Variants in KCNT2 observed in about 807,000 individuals in gnomAD.
KCNT2 encodes potassium sodium-activated channel subfamily T member 2.
Under a neutral mutation model 153.8 loss-of-function variants are expected in KCNT2, and 67 were observed. That is an observed-to-expected ratio of 0.44 (90% CI 0.36 to 0.53). The LOEUF is 0.53. KCNT2 is among the 20% of genes least tolerant of loss of function. The pLI, the probability that KCNT2 is intolerant of heterozygous loss-of-function variation, is 0.00. For missense variants in KCNT2, 975 were observed against 1,354.8 expected (o/e 0.72, Z 4.40); for synonymous variants, 500 against 458.8 (o/e 1.09, Z -1.15).
At chr1:196,236,106 C>T (rs1043766441) in intron 26 of KCNT2, 36 bp from the exon 27 acceptor site, 3 of 1,137,758 alleles carry the variant, frequency 2.6e-6, no homozygotes, top group Non-Finnish European at 4.0e-6. Flanking sequence ...TGTTATACTG[C>T]TTATAGAAAA....
intron 3 of KCNT2, among the ~76,000 whole-genome samples, chr1:196,487,857 G>A (rs549672662): frequency 2.6e-5 from 4 of 152,088 alleles, no homozygotes; most frequent in African/African-American, 9.6e-5. Context: ...TCTATCACTT[G>A]ATGTTAAAAA....
chr1:196,313,461 C>T (rs914054401), intron 21 of KCNT2, among the ~76,000 whole-genome samples: 1 of 151,434 alleles, frequency 6.6e-6, no homozygotes, highest in Admixed American at 6.6e-5. Flanking sequence ...AAATCAGGAA[C>T]TAAAATCTCC....
chr1:196,431,098 A>G (rs1674111842), intron 8 of KCNT2, among the ~76,000 whole-genome samples: 1 of 152,168 alleles, frequency 6.6e-6, no homozygotes, highest in African/African-American at 2.4e-5. Flanking sequence ...ACAATGCGTC[A>G]TCTTGGTGAG....
intron 1 of KCNT2, among the ~76,000 whole-genome samples, chr1:196,549,395 TA>T (rs1161757450): frequency 6.6e-6 from 1 of 151,804 alleles, no homozygotes; most frequent in Non-Finnish European, 1.5e-5. Flanking sequence ...AGCTACAGAG[TA>T]AAAACACATA....
intron 1 of KCNT2, among the ~76,000 whole-genome samples, chr1:196,518,366 A>G (rs1317120450): frequency 1.3e-5 from 2 of 152,232 alleles, no homozygotes; most frequent in South Asian, 2.1e-4. Flanking sequence ...AGCCAGCATA[A>G]TAACTGGTTA....
chr1:196,305,093 A>G (rs997784248), intron 22 of KCNT2, 141 bp downstream of exon 22: 4 of 616,328 alleles, frequency 6.5e-6, no homozygotes, highest in African/African-American at 5.6e-5. Context: ...AAAATTATCA[A>G]TTAGAATTTC....
intron 25 of KCNT2, among the ~76,000 whole-genome samples, chr1:196,269,202 A>T (rs1571856760): frequency 6.6e-6 from 1 of 152,228 alleles, no homozygotes; most frequent in African/African-American, 2.4e-5. Flanking sequence ...ATGTTAAGAA[A>T]GATATCTGTG....
chr1:196,482,840 T>C (rs1679119933), intron 3 of KCNT2, among the ~76,000 whole-genome samples: 1 of 152,122 alleles, frequency 6.6e-6, no homozygotes, highest in African/African-American at 2.4e-5. Flanking sequence ...TTTTATAAAA[T>C]ATTTAACATA....
intron 14 of KCNT2, among the ~76,000 whole-genome samples, chr1:196,345,560 G>A (rs1666072038): frequency 6.6e-6 from 1 of 152,092 alleles, no homozygotes; most frequent in South Asian, 2.1e-4. Flanking sequence ...GGGATGACTT[G>A]GCAATCATTG....
At chr1:196,367,940 G>A (rs1668181403) in intron 14 of KCNT2, among the ~76,000 whole-genome samples, 1 of 152,142 alleles carries the variant, frequency 6.6e-6, no homozygotes, top group Admixed American at 6.6e-5. Flanking sequence ...CTAGCCTGAA[G>A]CAGAGAATGC....
intron 27 of KCNT2, among the ~76,000 whole-genome samples, chr1:196,231,633 G>T (rs1301621395): frequency 6.6e-6 from 1 of 151,840 alleles, no homozygotes; most frequent in African/African-American, 2.4e-5. Context: ...GATTTAGGAG[G>T]AAGGAACAGG....
At chr1:196,318,574 AGAT>A (rs1662966159) in intron 20 of KCNT2, among the ~76,000 whole-genome samples, 1 of 151,842 alleles carries the variant, frequency 6.6e-6, no homozygotes, top group African/African-American at 2.4e-5. Flanking sequence ...ATTTCAAAAA[AGAT>A]GATTGGTTAT....
At chr1:196,520,071 A>C (rs1035587728) in intron 1 of KCNT2, among the ~76,000 whole-genome samples, 1 of 152,154 alleles carries the variant, frequency 6.6e-6, no homozygotes, top group Non-Finnish European at 1.5e-5. Context: ...AATACTGGCA[A>C]ACCAAATCCA....
chr1:196,389,768 G>C (rs142776417), intron 13 of KCNT2, among the ~76,000 whole-genome samples: 2 of 151,650 alleles, frequency 1.3e-5, no homozygotes, highest in Non-Finnish European at 3.0e-5. Context: ...AAAAGTTAGT[G>C]GTAAGCTTTT....
intron 1 of KCNT2, among the ~76,000 whole-genome samples, chr1:196,540,863 G>A (rs1656261028): frequency 6.6e-6 from 1 of 152,114 alleles, no homozygotes; most frequent in South Asian, 2.1e-4. Context: ...TCAGGAGATC[G>A]AGACCATCCT....
chr1:196,270,726 A>AGTGT (rs1023107839), intron 25 of KCNT2, among the ~76,000 whole-genome samples: 1 of 151,788 alleles, frequency 6.6e-6, no homozygotes, highest in South Asian at 2.1e-4. Flanking sequence ...TGTGTATATG[A>AGTGT]GTGTGTGTGT....
intron 13 of KCNT2, among the ~76,000 whole-genome samples, chr1:196,386,521 T>G (rs1488633601): frequency 6.6e-6 from 1 of 152,124 alleles, no homozygotes; most frequent in Non-Finnish European, 1.5e-5. Flanking sequence ...CTTATGTTAT[T>G]TTTCTTTCTA....
At chr1:196,487,889 T>C (rs1159149881) in intron 3 of KCNT2, among the ~76,000 whole-genome samples, 1 of 151,988 alleles carries the variant, frequency 6.6e-6, no homozygotes, top group African/African-American at 2.4e-5. Context: ...TTGAACAATT[T>C]TTAAAGTAGA....
Position 196,305,227 on chromosome 1 carries a change from G to T in KCNT2, c.2595+7C>A. 2.0e-6 allele frequency: 3 copies of T among 1,465,556 alleles called. No individual in the cohort carries two copies. The highest frequency in any genetic ancestry group is 2.9e-6 in the Non-Finnish European group (3 of 1,045,290). The allele number at this position is 1,465,556 out of a possible 1,614,324, so 90.8% of individuals were successfully genotyped here. A position where few individuals can be genotyped will look rare whatever the true frequency, so the allele number is the denominator to read the frequency against. ...AATCTAATTTACTTGATAATGTGGG[G>T]TCTTACCTTTTCCAGTTTTGAAAGA... is the stretch of plus-strand genomic sequence containing the variant. On this transcript the variant is annotated splice_region_variant and intron_variant, in intron 22 of 27. Transcript: ENST00000294725.
Sources: gnomAD v4.1 joint callset for allele counts (sites outside exome capture counted in the v4.1 genomes callset) on GRCh38, gnomAD v4.1.1 for gene constraint, MANE v1.5 for transcripts, NCBI Gene and HGNC (gene_info 2026-07-23, HGNC 2026-07-21) for gene names.